The following BICD1 variants were observed in gnomAD, a reference collection of about 807,000 sequenced individuals.
BICD1 encodes the protein BICD cargo adaptor 1.
In BICD1, 35 loss-of-function variants were observed where a neutral mutation model predicts 92.5. The ratio of observed to expected loss-of-function variants is 0.38; its 90% CI spans 0.29 to 0.50. The LOEUF (loss-of-function observed/expected upper bound fraction) is 0.50, where lower values mean the gene tolerates loss of function less well. Ranked by LOEUF, BICD1 falls within the 20% of genes least tolerant of loss-of-function variation. The pLI, the probability that BICD1 is intolerant of heterozygous loss-of-function variation, is 0.93. For missense variants in BICD1, 950 were observed against 1,189.8 expected (o/e 0.80, Z 2.97); for synonymous variants, 429 against 465.1 (o/e 0.92, Z 1.00).
intron 2 of BICD1, among the ~76,000 whole-genome samples, chr12:32,277,968 T>C (rs1185364145): frequency 6.6e-6 from 1 of 152,232 alleles, no homozygotes; most frequent in Non-Finnish European, 1.5e-5. Context: ...AAAGTCTATA[T>C]GTAGTGTGTT....
chr12:32,221,352 T>TAAAAA lies in BICD1; in HGVS notation c.426+4896_426+4900dup, dbSNP rs750415659. Reference sequence around the variant, plus strand: ...TAAACGTTATCTGTATCACAAAAAATAAAAAAATAAATAAATAAATAAATA... The same window carrying TAAAAA: ...TAAACGTTATCTGTATCACAAAAAATAAAAAAAAAAAATAAATAAATAAATAAATA... On this transcript the variant is annotated intron_variant, in intron 2 of 9. Coordinates refer to ENST00000652176, the MANE Select transcript of BICD1 (RefSeq NM_001714.4). 4.8e-5 allele frequency among the ~76,000 whole-genome samples: 7 copies of TAAAAA among 145,728 alleles called. No individual in the cohort carries two copies. The East Asian group carries it at 9.9e-4, about 21-fold the overall frequency.
chr12:32,231,582 T>A (rs1945889322), intron 2 of BICD1, among the ~76,000 whole-genome samples: 1 of 151,478 alleles, frequency 6.6e-6, no homozygotes, highest in African/African-American at 2.4e-5. Flanking sequence ...TTTATTTATT[T>A]ATTTATTTAT....
chr12:32,356,431 C>T (rs1243999588), intron 8 of BICD1, among the ~76,000 whole-genome samples: 1 of 152,060 alleles, frequency 6.6e-6, no homozygotes, highest in Non-Finnish European at 1.5e-5. Flanking sequence ...GCGAGCGGAT[C>T]GTTTGAGTGC....
At chr12:32,289,096 G>C (rs1947657296) in intron 2 of BICD1, among the ~76,000 whole-genome samples, 1 of 152,122 alleles carries the variant, frequency 6.6e-6, no homozygotes, top group African/African-American at 2.4e-5. Flanking sequence ...ATGGGATAGA[G>C]GAGCAGAAGG....
chr12:32,324,255 T>A lies in BICD1; in HGVS notation c.1006-3206T>A, dbSNP rs188687427. ...CTGTAGTCCCAGCTGCTTAGGAGGC[T>A]GAGGCAGAAGAATCGCTTGAACCCG... On this transcript the variant is annotated intron_variant, in intron 4 of 9. Transcript: ENST00000652176. Among the ~76,000 whole-genome samples, 594 of 150,596 alleles carry A rather than the reference T, an allele frequency of 3.9e-3. 8 individuals carry two copies. Among genetic ancestry groups the A allele is most frequent in the Non-Finnish European group, 6.0e-3 (408 of 67,868 alleles).
chr12:32,328,162 A>G lies in BICD1; in HGVS notation c.1707A>G (p.Ser569=). The change falls in exon 5 of 10, where the codon TCA becomes TCG. Residue 569 remains serine, a synonymous_variant. Coordinates refer to ENST00000652176, the MANE Select transcript of BICD1 (RefSeq NM_001714.4). This position sits in a 1 kb window ranked among gnomAD's most constrained non-coding sequence, Gnocchi z 4.4. Reference sequence around the variant, plus strand: ...CACGATTAGCCAGGCGGGGTGTGTCATCCCCGGTAGAAACAAGGACCTCAT... The same window carrying G: ...CACGATTAGCCAGGCGGGGTGTGTCGTCCCCGGTAGAAACAAGGACCTCAT... ...LSPRLARRGV[S]SPVETRTSSE... is the part of the protein sequence containing the mutation. 6.2e-7 allele frequency: 1 copy of G among 1,614,192 alleles called. No individual in the cohort carries two copies. The highest frequency in any genetic ancestry group is 8.5e-7 in the Non-Finnish European group (1 of 1,180,040).
In BICD1 at chr12:32,328,891, G is replaced by A. The variant is rs1565675500; in HGVS notation, c.2100+336G>A. Among the ~76,000 whole-genome samples, 1 of 151,970 alleles carries A rather than the reference G, an allele frequency of 6.6e-6. No individual in the cohort carries two copies. Among genetic ancestry groups the A allele is most frequent in the Admixed American group, 6.6e-5 (1 of 15,252 alleles). On this transcript the variant is annotated intron_variant, in intron 5 of 9. Coordinates refer to ENST00000652176, the MANE Select transcript of BICD1 (RefSeq NM_001714.4). This position sits in a 1 kb window ranked among gnomAD's most constrained non-coding sequence, Gnocchi z 4.4. ...GTGGCTGTGGAAACAGGAGATGGAG[G>A]GTGGCAGAATAGGCTGGCAAGGCAG... is the stretch of plus-strand genomic sequence containing the variant.
chr12:32,177,763 A>ATATATTTATAAAAATATATAAATATATTT (rs1944154674), intron 1 of BICD1, among the ~76,000 whole-genome samples: 1 of 14,882 alleles, frequency 6.7e-5, no homozygotes, highest in African/African-American at 2.9e-4. Flanking sequence ...TAAATATTTT[A>ATATATTTATAAAAATATATAAATATATTT]ATATATATTT....
At chr12:32,172,831 G>A (rs1344687590) in intron 1 of BICD1, among the ~76,000 whole-genome samples, 2 of 152,160 alleles carry the variant, frequency 1.3e-5, no homozygotes, top group Admixed American at 1.3e-4. Flanking sequence ...GAGATTCCAT[G>A]CTAGACATTA....
intron 2 of BICD1, among the ~76,000 whole-genome samples, chr12:32,254,649 A>G (rs772660107): frequency 5.3e-5 from 8 of 152,184 alleles, no homozygotes; most frequent in Non-Finnish European, 1.2e-4. Context: ...GTCTCATTCA[A>G]TTGGGACAGT....
intron 9 of BICD1, among the ~76,000 whole-genome samples, chr12:32,371,282 T>C (rs531548112): frequency 1.3e-5 from 2 of 152,260 alleles, no homozygotes; most frequent in African/African-American, 4.8e-5. Flanking sequence ...CGTAAAGAAA[T>C]GATTAAATGC....
intron 2 of BICD1, among the ~76,000 whole-genome samples, chr12:32,276,617 C>G (rs1947282466): frequency 6.6e-6 from 1 of 152,084 alleles, no homozygotes; most frequent in Admixed American, 6.5e-5. Context: ...GGTCCCCTCC[C>G]TTTGTATGGG....
chr12:32,245,223 G>A (rs1251888325), intron 2 of BICD1, among the ~76,000 whole-genome samples: 1 of 151,216 alleles, frequency 6.6e-6, no homozygotes, highest in African/African-American at 2.4e-5. Flanking sequence ...TGTTTGCTGG[G>A]AATCAAAGAG....
At chr12:32,295,082 G>GAAAAAAAA (rs10647988) in intron 3 of BICD1, among the ~76,000 whole-genome samples, 22 of 103,284 alleles carry the variant, frequency 2.1e-4, no homozygotes, top group African/African-American at 4.2e-4. Context: ...ATTCCGTCTC[G>GAAAAAAAA]AAAAAAAAAA....
chr12:32,164,353 A>G (rs1162342918), intron 1 of BICD1, among the ~76,000 whole-genome samples: 1 of 152,226 alleles, frequency 6.6e-6, no homozygotes, highest in Non-Finnish European at 1.5e-5. Context: ...TTATGCCCCA[A>G]TTCTCATTAG....
intron 4 of BICD1, among the ~76,000 whole-genome samples, chr12:32,306,501 C>T (rs528919758): frequency 6.6e-6 from 1 of 151,218 alleles, no homozygotes; most frequent in African/African-American, 2.5e-5. Context: ...GCCTTGGCCT[C>T]CAAAGTGCTG....
At chr12:32,294,205 G>T in intron 3 of BICD1, 59 bp downstream of exon 3, 1 of 1,459,632 alleles carries the variant, frequency 6.9e-7, no homozygotes, top group South Asian at 1.3e-5. Flanking sequence ...CTGACCACTA[G>T]GGTTAAATCT....
chr12:32,118,927 G>A (rs1046713891), intron 1 of BICD1, among the ~76,000 whole-genome samples: 7 of 152,204 alleles, frequency 4.6e-5, no homozygotes, highest in African/African-American at 1.7e-4. Flanking sequence ...TGCCTGGGTG[G>A]AGCTTATGTT....
chr12:32,243,412 C>T (rs1314601534), intron 2 of BICD1, among the ~76,000 whole-genome samples: 1 of 151,434 alleles, frequency 6.6e-6, no homozygotes, highest in African/African-American at 2.4e-5. Flanking sequence ...CTGCGTCTGG[C>T]CAGGGTTATT....
Sources: allele counts gnomAD v4.1 joint callset (sites outside exome capture counted in the v4.1 genomes callset), GRCh38; gene constraint gnomAD v4.1.1; non-coding constraint Gnocchi (gnomAD v3.1); transcripts MANE v1.5; gene names NCBI Gene and HGNC (gene_info 2026-07-23, HGNC 2026-07-21).